The following GPC6 variants were observed in gnomAD, a reference collection of about 807,000 sequenced individuals.
The protein encoded by GPC6 is glypican 6.
In GPC6, 14 loss-of-function variants were observed where a neutral mutation model predicts 55.2. That is an observed-to-expected ratio of 0.25 (90% confidence interval 0.17 to 0.40). GPC6 has a LOEUF of 0.40. GPC6 is among the 10% of genes least tolerant of loss of function. GPC6 has a pLI of 1.00. For missense variants in GPC6, 641 were observed against 708.5 expected (o/e 0.90, Z 1.08); for synonymous variants, 278 against 259.6 (o/e 1.07, Z -0.68).
At chr13:93,619,247 C>A (rs900093498) in intron 2 of GPC6, among the ~76,000 whole-genome samples, 1 of 152,000 alleles carries the variant, frequency 6.6e-6, no homozygotes, top group African/African-American at 2.4e-5. Context: ...GTGAAGACAT[C>A]CTGTCTTCTA....
intron 3 of GPC6, among the ~76,000 whole-genome samples, chr13:93,914,129 A>G (rs976616381): frequency 3.3e-5 from 5 of 152,086 alleles, no homozygotes; most frequent in Admixed American, 6.6e-5. Context: ...GGTTAGTTAC[A>G]TATGTATACA....
intron 6 of GPC6, among the ~76,000 whole-genome samples, chr13:94,313,009 C>T (rs1386385163): frequency 6.6e-6 from 1 of 152,146 alleles, no homozygotes; most frequent in Admixed American, 6.5e-5. Flanking sequence ...CACTGAGACA[C>T]CCCAGTTTCA....
intron 4 of GPC6, among the ~76,000 whole-genome samples, chr13:94,105,480 G>A (rs749815281): frequency 1.3e-5 from 2 of 152,132 alleles, no homozygotes; most frequent in Non-Finnish European, 2.9e-5. Flanking sequence ...TGATTTTCAG[G>A]CAAATGGAGA....
chr13:93,415,277 T>A (rs2139250533), intron 1 of GPC6, among the ~76,000 whole-genome samples: 1 of 152,232 alleles, frequency 6.6e-6, no homozygotes, highest in East Asian at 1.9e-4. Context: ...GACATAAATA[T>A]ATATCCTATT....
intron 4 of GPC6, among the ~76,000 whole-genome samples, chr13:94,045,785 C>G (rs1197557889): frequency 2.6e-5 from 4 of 151,086 alleles, no homozygotes; most frequent in African/African-American, 9.7e-5. Flanking sequence ...CACACACTCT[C>G]TACCATTGCC....
intron 4 of GPC6, among the ~76,000 whole-genome samples, chr13:94,285,457 C>A (rs115335414): frequency 2.0e-3 from 310 of 152,276 alleles, no homozygotes; most frequent in African/African-American, 7.0e-3. Context: ...ACAAATCAAA[C>A]AGCTTCTCAC....
intron 1 of GPC6, among the ~76,000 whole-genome samples, chr13:93,263,510 G>A (rs972654323): frequency 2.2e-4 from 33 of 152,102 alleles, no homozygotes; most frequent in Admixed American, 1.3e-3. Flanking sequence ...GATTACAGGC[G>A]TGTGCCTCCA....
At chr13:93,722,556 G>A (rs9516276) in intron 2 of GPC6, among the ~76,000 whole-genome samples, 38,190 of 151,556 alleles carry the variant, frequency 0.25, 5,694 homozygotes, top group East Asian at 0.47. Flanking sequence ...CCATATGGCT[G>A]GCATAAAGAT....
intron 2 of GPC6, among the ~76,000 whole-genome samples, chr13:93,659,095 T>G (rs151314224): frequency 1.1e-3 from 163 of 152,060 alleles, no homozygotes; most frequent in African/African-American, 3.7e-3. Flanking sequence ...TTTGGTAAGT[T>G]ATATTCTTCA....
At chr13:93,682,534 C>T (rs1433954160) in intron 2 of GPC6, among the ~76,000 whole-genome samples, 1 of 152,004 alleles carries the variant, frequency 6.6e-6, no homozygotes, top group Non-Finnish European at 1.5e-5. Context: ...AGCGGCATTC[C>T]ACAGCATCCT....
intron 1 of GPC6, among the ~76,000 whole-genome samples, chr13:93,243,264 C>T (rs1876495481): frequency 1.3e-5 from 2 of 152,218 alleles, no homozygotes; most frequent in South Asian, 4.1e-4. Flanking sequence ...TTTGTGTATG[C>T]TGTAGATTCT....
intron 1 of GPC6, among the ~76,000 whole-genome samples, chr13:93,492,716 G>T (rs1340891753): frequency 6.6e-6 from 1 of 151,384 alleles, no homozygotes; most frequent in Admixed American, 6.6e-5. Flanking sequence ...AATTTACTGA[G>T]AGTTTTTAGC....
chr13:94,335,688 A>C (rs1877652100), intron 6 of GPC6, among the ~76,000 whole-genome samples: 1 of 152,188 alleles, frequency 6.6e-6, no homozygotes, highest in African/African-American at 2.4e-5. Flanking sequence ...ACACTTTGCA[A>C]GCTATCTGTT....
intron 1 of GPC6, among the ~76,000 whole-genome samples, chr13:93,339,669 G>C (rs1880171776): frequency 6.6e-6 from 1 of 152,174 alleles, no homozygotes; most frequent in Non-Finnish European, 1.5e-5. Context: ...TCAATAAAAT[G>C]GTTTTGCAAG....
intron 2 of GPC6, among the ~76,000 whole-genome samples, chr13:93,760,816 T>C (rs1884930406): frequency 6.6e-6 from 1 of 152,240 alleles, no homozygotes; most frequent in African/African-American, 2.4e-5. Flanking sequence ...TAGTTATGTA[T>C]GCTTTTGAAT....
chr13:94,167,071 G>T (rs1479916732), intron 4 of GPC6, among the ~76,000 whole-genome samples: 1 of 152,108 alleles, frequency 6.6e-6, no homozygotes, highest in Admixed American at 6.6e-5. Context: ...GGTAAAATTA[G>T]ACTCTAGATG....
chr13:94,225,756 G>A lies in GPC6; in HGVS notation c.878-60593G>A, dbSNP rs9584202. ...TGTGTATTAATCAGCTGATGAAAAC[G>A]TGACCAGAGGCTTGCAGGAGCCTAA... is the stretch of plus-strand genomic sequence containing the variant. On this transcript the variant is annotated intron_variant, in intron 4 of 8. Coordinates refer to ENST00000377047, the MANE Select transcript of GPC6 (RefSeq NM_005708.5). Among the ~76,000 whole-genome samples, 1,183 of 151,792 alleles carry A rather than the reference G, an allele frequency of 7.8e-3. 16 individuals are homozygous for A. Among genetic ancestry groups the A allele is most frequent in the African/African-American group, 0.025 (1,048 of 41,374 alleles).
chr13:93,268,342 T>C (rs928422223), intron 1 of GPC6, among the ~76,000 whole-genome samples: 24 of 152,294 alleles, frequency 1.6e-4, no homozygotes, highest in East Asian at 9.7e-4. Context: ...CCAGTTCATA[T>C]AGACAATCTA....
intron 3 of GPC6, among the ~76,000 whole-genome samples, chr13:93,848,993 C>T (rs2139009227): frequency 6.6e-6 from 1 of 152,118 alleles, no homozygotes; most frequent in African/African-American, 2.4e-5. Flanking sequence ...TTTCAGAACC[C>T]CTGTACTAAG....
Sources: gnomAD v4.1 joint callset for allele counts (sites outside exome capture counted in the v4.1 genomes callset) on GRCh38, gnomAD v4.1.1 for gene constraint, MANE v1.5 for transcripts, NCBI Gene and HGNC (gene_info 2026-07-23, HGNC 2026-07-21) for gene names.